The following GNGT2 variants were observed in gnomAD, a reference collection of about 807,000 sequenced individuals.
The protein encoded by GNGT2 is G protein subunit gamma transducin 2.
Under a neutral mutation model 3.5 loss-of-function variants are expected in GNGT2, and 4 were observed. That is an observed-to-expected ratio of 1.13 (90% CI 0.56 to 2.59). GNGT2 has a LOEUF of 2.59. GNGT2 is among the 30% of genes most tolerant of loss of function. The probability of loss-of-function intolerance (pLI) is 0.02; values close to 1 mark genes in which losing one functional copy is unlikely to be tolerated. For missense variants in GNGT2, 64 were observed against 81.2 expected (o/e 0.79, Z 0.82); for synonymous variants, 31 against 29.5 (o/e 1.05, Z -0.17).
chr17:49,207,725 T>C (rs2043119341), intron 2 of GNGT2, among the ~76,000 whole-genome samples: 1 of 152,140 alleles, frequency 6.6e-6, no homozygotes, highest in Non-Finnish European at 1.5e-5. Flanking sequence ...TGTCTGTCTG[T>C]CTACAGAGGA....
chr17:49,209,304 T>A (rs1296299818), intron 1 of GNGT2: 1 of 152,198 alleles, frequency 6.6e-6, no homozygotes, highest in Non-Finnish European at 1.5e-5. Flanking sequence ...GCCCCTAACC[T>A]CCTTAACCAA....
In GNGT2 at chr17:49,206,796, C is replaced by T. The variant is rs1311941329; in HGVS notation, c.171G>A (p.Lys57=). ...AGCCACCTTTCTCCTTGAAGGGATTCTTGTCCTCAGGGATGCCTTTGAGAA... is the reference window on the plus strand; with the variant it reads ...AGCCACCTTTCTCCTTGAAGGGATTTTTGTCCTCAGGGATGCCTTTGAGAA... ...DPFLKGIPED[K]NPFKEKGGCL... Residue 57 remains lysine (K), a synonymous_variant, in exon 4 of 4, where the codon AAG becomes AAA. Transcript: ENST00000507680. 3 of 1,613,784 alleles carry T rather than the reference C, an allele frequency of 1.9e-6. No individual in the cohort carries two copies. In the African/African-American group the frequency reaches 4.0e-5, roughly 22 times the overall value.
In GNGT2 at chr17:49,206,472, A is replaced by C; in HGVS notation, c.*285T>G. On this transcript the variant is annotated 3_prime_UTR_variant, in exon 4 of 4. Coordinates refer to ENST00000507680, the MANE Select transcript of GNGT2 (RefSeq NM_001198754.2). ...GGACTGCCCTCTGGGGTCTTGGGGT[A>C]TTGCAGGCTTCTCACACCCCACCAC... 2.7e-6 allele frequency: 1 copy of C among 372,612 alleles called. No homozygotes were observed. Among genetic ancestry groups the C allele is most frequent in the Non-Finnish European group, 4.8e-6 (1 of 208,250 alleles). 23.1% of individuals were successfully genotyped at this position (372,612 alleles called of 1,614,324 possible). A position where few individuals can be genotyped will look rare whatever the true frequency, so the allele number is the denominator to read the frequency against.
In GNGT2 at chr17:49,206,818, A is replaced by G. The variant is rs2043110755; in HGVS notation, c.149T>C (p.Leu50Pro). 6 of 1,613,580 alleles carry G rather than the reference A, an allele frequency of 3.7e-6. No individual in the cohort carries two copies. The highest frequency in any genetic ancestry group is 5.1e-6 in the Non-Finnish European group (6 of 1,179,716). The change falls in exon 4 of 4, where the codon CTC becomes CCC. Residue 50 changes from leucine to proline, a missense_variant. Physicochemically the swap from Leu to Pro is moderately conservative, Grantham distance 98. Transcript: ENST00000507680. The stretch of plus-strand genomic sequence containing the variant: ...ATTCTTGTCCTCAGGGATGCCTTTG[A>G]GAAAAGGATCGTTTCCTGCTTGGGC... ...VEAQAGNDPF[L>P]KGIPEDKNPF... is the part of the protein sequence containing the mutation.
In GNGT2 at chr17:49,207,408, G is replaced by C; in HGVS notation, c.15C>G (p.Leu5=). 6.2e-7 allele frequency: 1 copy of C among 1,612,816 alleles called. No individual in the cohort carries two copies. Among genetic ancestry groups the C allele is most frequent in the Non-Finnish European group, 8.5e-7 (1 of 1,178,794 alleles). The change falls in exon 3 of 4, where the codon CTC becomes CTG. Residue 5 remains leucine (L), a synonymous_variant. Coordinates refer to ENST00000507680, the MANE Select transcript of GNGT2 (RefSeq NM_001198754.2). ...CCATCTTCAACAGGTCCTTCTCGCT[G>C]AGATCCTGGGCCATCCTGCCCTAGA... The part of the protein sequence containing the change: MAQD[L]SEKDLLKMEV...
chr17:49,206,610 T>G lies in GNGT2; in HGVS notation c.*147A>C. ...GGGAGAAAAGAGTTGAAGGTGGGAG[T>G]GGGGAATGGGTTCACAATGCATTTG... On this transcript the variant is annotated 3_prime_UTR_variant, in exon 4 of 4. Transcript: ENST00000507680. 5.9e-6 allele frequency: 4 copies of G among 678,386 alleles called. No individual in the cohort carries two copies. The highest frequency in any genetic ancestry group is 2.1e-5 in the South Asian group (1 of 46,954). The allele number at this position is 678,386 out of a possible 1,614,324, so 42.0% of individuals were successfully genotyped here. A position where few individuals can be genotyped will look rare whatever the true frequency, so the allele number is the denominator to read the frequency against.
At position 49,207,255 on chromosome 17, in the gene GNGT2, C is replaced by T; in HGVS notation, c.84+84G>A. ...TGCTTCTGCAGCCCTGGAACAGTCC[C>T]ACCACCCTTTCTGGTCACTTCCTCC... On this transcript the variant is annotated intron_variant, in intron 3 of 3. Coordinates refer to ENST00000507680, the MANE Select transcript of GNGT2 (RefSeq NM_001198754.2). The T allele has an allele frequency of 8.9e-6, 9 of 1,008,228 alleles. No homozygotes were observed. The South Asian group carries it at 1.2e-4, about 13-fold the overall frequency. The allele number at this position is 1,008,228 out of a possible 1,614,324, so 62.5% of individuals were successfully genotyped here. A position where few individuals can be genotyped will look rare whatever the true frequency, so the allele number is the denominator to read the frequency against.
intron 1 of GNGT2, among the ~76,000 whole-genome samples, chr17:49,209,800 C>G (rs2043142566): frequency 6.6e-6 from 1 of 152,140 alleles, no homozygotes. Flanking sequence ...GCTGGGAGCT[C>G]TAAGAATTTG....
At chr17:49,208,473 A>AG (rs2043126133) in intron 2 of GNGT2, among the ~76,000 whole-genome samples, 1 of 151,612 alleles carries the variant, frequency 6.6e-6, no homozygotes, top group African/African-American at 2.4e-5. Context: ...AAAAAAAAAA[A>AG]AAGAGAGAGA....
chr17:49,206,655 T>C lies in GNGT2; in HGVS notation c.*102A>G. 2.9e-6 allele frequency: 3 copies of C among 1,048,740 alleles called. No individual in the cohort carries two copies. The South Asian group carries it at 4.6e-5, about 16-fold the overall frequency. 65.0% of individuals were successfully genotyped at this position (1,048,740 alleles called of 1,614,324 possible). On this transcript the variant is annotated 3_prime_UTR_variant, in exon 4 of 4. Transcript: ENST00000507680. ...CATTTGTTCAGGGATCTTTACTCAT[T>C]CTGTGATGAAGAGAAGGTGACAGTT...
chr17:49,210,468 T>C lies in GNGT2; in HGVS notation c.-157A>G, dbSNP rs1162972584. The C allele has an allele frequency of 1.3e-5, 5 of 396,098 alleles. No individual in the cohort carries two copies. The highest frequency in any genetic ancestry group is 2.0e-5 in the African/African-American group (1 of 49,430). 24.5% of individuals were successfully genotyped at this position (396,098 alleles called of 1,614,324 possible). Reference sequence around the variant, plus strand: ...CCTTGGCTTCCTCTGCTGGGTGGGATTGGGGGCTGGGCCCCCAAATGGGCC... The same window carrying C: ...CCTTGGCTTCCTCTGCTGGGTGGGACTGGGGGCTGGGCCCCCAAATGGGCC... On this transcript the variant is annotated 5_prime_UTR_variant, in exon 1 of 4. Transcript: ENST00000507680. The surrounding 1 kb of genome is among the most constrained non-coding windows in gnomAD (Gnocchi z 4.2).
chr17:49,206,876 T>C lies in GNGT2; in HGVS notation c.91A>G (p.Lys31Glu), dbSNP rs1213844309. The C allele has an allele frequency of 6.2e-7, 1 of 1,614,054 alleles. No homozygotes were observed. The highest frequency in any genetic ancestry group is 8.5e-7 in the Non-Finnish European group (1 of 1,179,982). ...TACTCCTTGATTTCCTTTCCCGCTTTGGAAATCTGCGAGAACACAAAAAAT... is the reference window on the plus strand; with the variant it reads ...TACTCCTTGATTTCCTTTCCCGCTTCGGAAATCTGCGAGAACACAAAAAAT... Reference protein sequence around the residue: ...EVKNTRIPISKAGKEIKEYVE... With the variant: ...EVKNTRIPISEAGKEIKEYVE... The change falls in exon 4 of 4, where the codon AAA becomes GAA. Residue 31 changes from lysine to glutamate, a missense_variant. Physicochemically the swap from Lys to Glu is moderately conservative, Grantham distance 56. Coordinates refer to ENST00000507680, the MANE Select transcript of GNGT2 (RefSeq NM_001198754.2).
intron 2 of GNGT2, 67 bp from the exon 3 acceptor site, chr17:49,207,511 C>A: frequency 1.2e-6 from 1 of 830,586 alleles, no homozygotes; most frequent in Admixed American, 1.7e-5. Context: ...CACACCTCGA[C>A]TTCTAGCATC....
chr17:49,209,703 G>C (rs935796129), intron 1 of GNGT2, among the ~76,000 whole-genome samples: 1 of 152,176 alleles, frequency 6.6e-6, no homozygotes, highest in Non-Finnish European at 1.5e-5. Context: ...CCTGTCTCTA[G>C]GATGACAGGC....
intron 3 of GNGT2, 91 bp from the exon 4 acceptor site, chr17:49,206,973 G>T: frequency 7.3e-7 from 1 of 1,366,676 alleles, no homozygotes; most frequent in Non-Finnish European, 1.0e-6. Context: ...TCTGGGCAGG[G>T]CAGAGACAGG....
intron 2 of GNGT2, among the ~76,000 whole-genome samples, 186 bp from the exon 3 acceptor site, chr17:49,207,630 C>T (rs2043118662): frequency 1.3e-5 from 2 of 152,164 alleles, no homozygotes; most frequent in Non-Finnish European, 2.9e-5. Flanking sequence ...GGAGGAAGCT[C>T]CCAGTCTGAT....
At chr17:49,207,032 G>T in intron 3 of GNGT2, 150 bp from the exon 4 acceptor site, 1 of 832,540 alleles carries the variant, frequency 1.2e-6, no homozygotes, top group Non-Finnish European at 2.0e-6. Flanking sequence ...TCGGGGGTGT[G>T]AGTTCCTTGA....
chr17:49,209,667 T>A (rs2043140682), intron 1 of GNGT2, among the ~76,000 whole-genome samples: 1 of 152,136 alleles, frequency 6.6e-6, no homozygotes, highest in African/African-American at 2.4e-5. Flanking sequence ...GGGACCAATA[T>A]GGTCAATGGG....
chr17:49,206,734 A>C lies in GNGT2; in HGVS notation c.*23T>G. 1 of 1,601,780 alleles carries C rather than the reference A, an allele frequency of 6.2e-7. No homozygotes were observed. The highest frequency in any genetic ancestry group is 8.5e-7 in the Non-Finnish European group (1 of 1,174,740). ...TGGGCTTGGCTGAAGAGGGACAGAC[A>C]CTCAGGGCAGGGCTCCATGCCATCA... On this transcript the variant is annotated 3_prime_UTR_variant, in exon 4 of 4. Transcript: ENST00000507680.
Sources: allele counts gnomAD v4.1 joint callset (sites outside exome capture counted in the v4.1 genomes callset), GRCh38; gene constraint gnomAD v4.1.1; non-coding constraint Gnocchi (gnomAD v3.1); transcripts MANE v1.5; gene names NCBI Gene and HGNC (gene_info 2026-07-23, HGNC 2026-07-21).